The following PRRC2B variants were observed in gnomAD, a reference collection of about 807,000 sequenced individuals.
PRRC2B encodes the protein proline rich coiled-coil 2B.
A neutral mutation model predicts 242.3 loss-of-function variants in PRRC2B; 68 were observed. That is an observed-to-expected ratio of 0.28 (90% CI 0.23 to 0.34). PRRC2B has a LOEUF of 0.34. PRRC2B is among the 10% of genes least tolerant of loss of function. The probability of loss-of-function intolerance (pLI) is 1.00; values close to 1 mark genes in which losing one functional copy is unlikely to be tolerated. For missense variants in PRRC2B, 2,835 were observed against 2,954.8 expected (o/e 0.96, Z 0.94); for synonymous variants, 1,228 against 1,173.6 (o/e 1.05, Z -0.95).
At chr9:131,420,445 CTT>C (rs1564278443) in intron 1 of PRRC2B, among the ~76,000 whole-genome samples, 7 of 123,450 alleles carry the variant, frequency 5.7e-5, no homozygotes, top group South Asian at 2.8e-4. Flanking sequence ...TTTTCTTTTT[CTT>C]TTTCTTTTTC....
chr9:131,387,662 CTT>C (rs201398372), intron 1 of PRRC2B, among the ~76,000 whole-genome samples: 1,995 of 149,718 alleles, frequency 0.013, 71 homozygotes, highest in African/African-American at 0.044. Flanking sequence ...ACTTCCCAAA[CTT>C]TGGCAAAGGC....
intron 28 of PRRC2B, among the ~76,000 whole-genome samples, chr9:131,489,891 C>T (rs1189328839): frequency 3.9e-5 from 6 of 152,078 alleles, no homozygotes; most frequent in Non-Finnish European, 7.4e-5. Context: ...GTTTCCAGGC[C>T]GTCGCTCCTG....
In PRRC2B at chr9:131,497,102, T is replaced by C. The variant is rs1461978577; in HGVS notation, c.*1228T>C. The C allele has an allele frequency of 6.6e-6, 1 of 152,326 alleles. No individual in the cohort carries two copies. Among genetic ancestry groups the C allele is most frequent in the Non-Finnish European group, 1.5e-5 (1 of 68,136 alleles). 9.4% of individuals were successfully genotyped at this position (152,326 alleles called of 1,614,324 possible). A position where few individuals can be genotyped will look rare whatever the true frequency, so the allele number is the denominator to read the frequency against. ...GTGAGGCCACTGGGAGTTTGTCCTT[T>C]TCCTCCTTTGCTTCACTCCCAGCAG... On this transcript the variant is annotated 3_prime_UTR_variant, in exon 32 of 32. Coordinates refer to ENST00000683519, the MANE Select transcript of PRRC2B (RefSeq NM_013318.4).
chr9:131,409,948 A>G (rs946020970), intron 1 of PRRC2B, among the ~76,000 whole-genome samples: 1 of 152,232 alleles, frequency 6.6e-6, no homozygotes, highest in Admixed American at 6.5e-5. Flanking sequence ...TTAATTCACC[A>G]TTATTTGGAG....
intron 10 of PRRC2B, among the ~76,000 whole-genome samples, chr9:131,456,396 C>T (rs1386422449): frequency 6.6e-6 from 1 of 151,896 alleles, no homozygotes; most frequent in East Asian, 1.9e-4. Flanking sequence ...CTTTGGGAGG[C>T]CAAGGCGGGC....
upstream of PRRC2B, among the ~76,000 whole-genome samples, chr9:131,390,302 G>A (rs909964646): frequency 2.7e-5 from 4 of 149,910 alleles, no homozygotes; most frequent in East Asian, 2.0e-4. Flanking sequence ...CAGAGTGCAG[G>A]TGCCCAGTGA....
chr9:131,492,106 AGT>A (rs1212283733), intron 29 of PRRC2B, 61 bp from the exon 30 acceptor site: 2 of 1,285,980 alleles, frequency 1.6e-6, no homozygotes, highest in African/African-American at 2.9e-5. Flanking sequence ...TTGTTCAGTA[AGT>A]GTGTGGTCCA....
Position 131,473,692 on chromosome 9 carries a change from G to T in PRRC2B, c.2292G>T (p.Ser764=), listed in dbSNP as rs755244513. 21 of 1,613,660 alleles carry T rather than the reference G, an allele frequency of 1.3e-5. 1 individual carries two copies. The South Asian group carries it at 2.3e-4, about 18-fold the overall frequency. The change falls in exon 15 of 32, where the codon TCG becomes TCT. Residue 764 remains serine (S), a synonymous_variant. Transcript: ENST00000683519. The part of the protein sequence containing the change: ...SKGYPLPHPK[S]SDTLAMDMRV... ...GCTACCCGCTCCCGCACCCGAAGTC[G>T]AGTGACACCTTGGCTATGGACATGC...
chr9:131,443,510 TG>T (rs966143120), intron 5 of PRRC2B, among the ~76,000 whole-genome samples: 22 of 151,956 alleles, frequency 1.4e-4, no homozygotes, highest in African/African-American at 5.1e-4. Flanking sequence ...TTCGGCTCAC[TG>T]CAACCTCCAC....
chr9:131,448,386 A>G (rs960190643), intron 9 of PRRC2B, among the ~76,000 whole-genome samples: 2 of 151,726 alleles, frequency 1.3e-5, no homozygotes, highest in Non-Finnish European at 2.9e-5. Context: ...TCTACTAAAA[A>G]TACAAAAATT....
At chr9:131,428,215 C>G (rs978517918) in intron 1 of PRRC2B, among the ~76,000 whole-genome samples, 1 of 151,894 alleles carries the variant, frequency 6.6e-6, no homozygotes, top group Non-Finnish European at 1.5e-5. Flanking sequence ...CCACCGTGCC[C>G]GGCCTACAAG....
At position 131,410,368 on chromosome 9, in the gene PRRC2B, C is replaced by T. The variant is rs139917453; in HGVS notation, c.-52+16105C>T. ...GTGCCAGCGCCAGTTCACACCCCAC[C>T]GCAGGCCAGGCCTGCACTTCACATT... On this transcript the variant is annotated intron_variant, in intron 1 of 31. Transcript: ENST00000683519. Among the ~76,000 whole-genome samples, 45 of 152,336 alleles carry T rather than the reference C, an allele frequency of 3.0e-4. No individual in the cohort carries two copies. In the East Asian group the frequency reaches 7.9e-3, roughly 27 times the overall value.
At chr9:131,383,173 G>A (rs746050789) in intron 1 of PRRC2B, among the ~76,000 whole-genome samples, 5 of 151,758 alleles carry the variant, frequency 3.3e-5, no homozygotes, top group Admixed American at 6.6e-5. Flanking sequence ...GGCCTCCTCC[G>A]GCTCCCCAGC....
chr9:131,425,017 A>G (rs1391538992), intron 1 of PRRC2B, among the ~76,000 whole-genome samples: 1 of 152,002 alleles, frequency 6.6e-6, no homozygotes, highest in African/African-American at 2.4e-5. Flanking sequence ...CCCAGGCTGG[A>G]GTGCAATGGC....
At chr9:131,467,109 A>G (rs913838151) in intron 12 of PRRC2B, among the ~76,000 whole-genome samples, 2 of 143,308 alleles carry the variant, frequency 1.4e-5, no homozygotes, top group Non-Finnish European at 3.0e-5. Flanking sequence ...CATTTTTTGT[A>G]CTTTCAATAG....
At chr9:131,491,086 C>T (rs754237659) in intron 28 of PRRC2B, 11 of 264,032 alleles carry the variant, frequency 4.2e-5, no homozygotes, top group Non-Finnish European at 7.9e-5. Context: ...TGGACAAAGG[C>T]AGAAAGGGCT....
rs1326283675 is a variant in PRRC2B, at chr9:131,474,659, G to A, written c.2530G>A (p.Gly844Arg). The change falls in exon 16 of 32, where the codon GGG (glycine) becomes AGG (arginine). Residue 844 changes from glycine (G) to arginine (R), a missense_variant. Around this residue, in one of 7 missense-constraint regions of PRRC2B, gnomAD observed 1,536 missense variants for 1,483.1 expected, o/e 1.04. Coordinates refer to ENST00000683519, the MANE Select transcript of PRRC2B (RefSeq NM_013318.4). ...QENVQDAGAP[G>R]GHTQNLRCSP... ...AAATGTTCAGGATGCAGGTGCTCCTGGGGGTCACACCCAAAACCTCAGGTG... is the reference window on the plus strand; with the variant it reads ...AAATGTTCAGGATGCAGGTGCTCCTAGGGGTCACACCCAAAACCTCAGGTG... The A allele has an allele frequency of 6.2e-7, 1 of 1,613,664 alleles. No homozygotes were observed. Among genetic ancestry groups the A allele is most frequent in the African/African-American group, 1.3e-5 (1 of 75,044 alleles).
chr9:131,472,467 G>A (rs7045086), intron 14 of PRRC2B, among the ~76,000 whole-genome samples: 123,149 of 139,282 alleles, frequency 0.88, 54,669 homozygotes, highest in South Asian at 0.97. Context: ...ACCACGCCCA[G>A]CTAATTTTTT....
At chr9:131,447,925 C>G in intron 9 of PRRC2B, 121 bp downstream of exon 9, 1 of 1,106,902 alleles carries the variant, frequency 9.0e-7, no homozygotes, top group Non-Finnish European at 1.2e-6. Flanking sequence ...GATGAAGAGC[C>G]GGACAGGGAA....
Sources: allele counts gnomAD v4.1 joint callset (sites outside exome capture counted in the v4.1 genomes callset), GRCh38; gene constraint gnomAD v4.1.1; regional missense constraint gnomAD v4.1.1; transcripts MANE v1.5; gene names NCBI Gene and HGNC (gene_info 2026-07-23, HGNC 2026-07-21).